The following ARID1A variants were observed in gnomAD, a reference collection of about 807,000 sequenced individuals.
ARID1A encodes AT-rich interaction domain 1A, also known as AT-rich interactive domain-containing protein 1A.
In ARID1A, 20 loss-of-function variants were observed where a neutral mutation model predicts 212.6. That is an observed-to-expected ratio of 0.09 (90% confidence interval 0.07 to 0.14). The LOEUF is 0.14. Among genes scored for constraint, ARID1A ranks in the 10% least tolerant of loss-of-function variants. ARID1A has a pLI of 1.00. For missense variants in ARID1A, 2,587 were observed against 3,059.0 expected (o/e 0.85, Z 3.64); for synonymous variants, 1,376 against 1,222.1 (o/e 1.13, Z -2.63).
intron 4 of ARID1A, among the ~76,000 whole-genome samples, chr1:26,752,400 C>G (rs565035999): frequency 6.6e-6 from 1 of 152,172 alleles, no homozygotes; most frequent in African/African-American, 2.4e-5. Flanking sequence ...CTCTTTCTTA[C>G]ATTTATAGCA....
chr1:26,710,929 G>A (rs940508925), intron 1 of ARID1A, among the ~76,000 whole-genome samples: 7 of 152,112 alleles, frequency 4.6e-5, no homozygotes, highest in Non-Finnish European at 8.8e-5. Context: ...TACCATAGAC[G>A]AGGTGGCTTA....
intron 3 of ARID1A, 99 bp downstream of exon 3, chr1:26,731,703 G>A (rs1187761086): frequency 1.7e-5 from 23 of 1,344,890 alleles, no homozygotes; most frequent in African/African-American, 1.5e-5. Context: ...GTTCTCTAAC[G>A]TGCACTTAAA....
At chr1:26,762,586 G>A (rs751218908) in intron 7 of ARID1A, among the ~76,000 whole-genome samples, 1 of 152,200 alleles carries the variant, frequency 6.6e-6, no homozygotes, top group Non-Finnish European at 1.5e-5. Flanking sequence ...ATTGAGCACA[G>A]ACAATTTATA....
In ARID1A at chr1:26,703,044, AT is replaced by A. The variant is rs1284180652; in HGVS notation, c.1137+5508del. ...AACTTGAGTGTGATCTTTATCCTCA[AT>A]TTTGCTGTTGTGCTGGGGATTATAA... On this transcript the variant is annotated intron_variant, in intron 1 of 19. Coordinates refer to ENST00000324856, the MANE Select transcript of ARID1A (RefSeq NM_006015.6). Among the ~76,000 whole-genome samples the A allele has an allele frequency of 3.9e-5, 6 of 152,274 alleles. No individual in the cohort carries two copies. In the East Asian group the frequency reaches 1.2e-3, roughly 29 times the overall value.
intron 4 of ARID1A, among the ~76,000 whole-genome samples, chr1:26,740,199 CAG>C (rs1439882255): frequency 1.3e-5 from 2 of 152,138 alleles, no homozygotes; most frequent in Non-Finnish European, 2.9e-5. Context: ...AGAAGACAAA[CAG>C]ACATTTGACA....
intron 14 of ARID1A, 110 bp from the exon 15 acceptor site, chr1:26,773,236 T>A: frequency 6.9e-7 from 1 of 1,439,038 alleles, no homozygotes; most frequent in Non-Finnish European, 9.4e-7. Flanking sequence ...TGAACTTGTC[T>A]GGAAAACAAT....
chr1:26,710,222 T>G (rs1281485858), intron 1 of ARID1A, among the ~76,000 whole-genome samples: 7 of 146,342 alleles, frequency 4.8e-5, no homozygotes, highest in Non-Finnish European at 3.0e-5. Flanking sequence ...GATCACAAGG[T>G]CAAGAGATCG....
intron 1 of ARID1A, among the ~76,000 whole-genome samples, chr1:26,709,039 G>C (rs1352903884): frequency 6.6e-6 from 1 of 152,076 alleles, no homozygotes; most frequent in Non-Finnish European, 1.5e-5. Flanking sequence ...AACACATAAA[G>C]TTGAGTGCCA....
intron 7 of ARID1A, among the ~76,000 whole-genome samples, 197 bp downstream of exon 7, chr1:26,762,516 T>G (rs2081001889): frequency 6.6e-6 from 1 of 150,700 alleles, no homozygotes; most frequent in Admixed American, 6.6e-5. Flanking sequence ...GAGAAAGTCT[T>G]TCAATTTCAC....
chr1:26,740,474 G>C (rs1489535798), intron 4 of ARID1A, among the ~76,000 whole-genome samples: 1 of 152,158 alleles, frequency 6.6e-6, no homozygotes, highest in Non-Finnish European at 1.5e-5. Context: ...TAAGTGGTTA[G>C]TTACAAAGGG....
At chr1:26,753,397 G>A (rs1044308660) in intron 4 of ARID1A, among the ~76,000 whole-genome samples, 6 of 152,302 alleles carry the variant, frequency 3.9e-5, no homozygotes, top group Non-Finnish European at 8.8e-5. Flanking sequence ...TCGTCATGGA[G>A]TCCCTATGGG....
At chr1:26,766,994 G>C (rs940760857) in intron 10 of ARID1A, among the ~76,000 whole-genome samples, 1 of 152,166 alleles carries the variant, frequency 6.6e-6, no homozygotes, top group Non-Finnish European at 1.5e-5. Flanking sequence ...TGTAAAGAAG[G>C]AGATAAGGCA....
At chr1:26,756,673 A>T (rs2080940846) in intron 4 of ARID1A, among the ~76,000 whole-genome samples, 1 of 151,368 alleles carries the variant, frequency 6.6e-6, no homozygotes, top group Non-Finnish European at 1.5e-5. Context: ...GCCATGGGGC[A>T]CTTTGGCTTC....
intron 4 of ARID1A, among the ~76,000 whole-genome samples, chr1:26,747,966 T>A (rs891820588): frequency 7.2e-5 from 11 of 152,222 alleles, no homozygotes; most frequent in Admixed American, 5.2e-4. Flanking sequence ...TCAGAGTTGT[T>A]CTTTTCAAAG....
At chr1:26,743,798 A>T (rs1346504854) in intron 4 of ARID1A, among the ~76,000 whole-genome samples, 1 of 152,054 alleles carries the variant, frequency 6.6e-6, no homozygotes, top group Non-Finnish European at 1.5e-5. Context: ...AAAAAAAAAA[A>T]AAAAATTAAA....
At chr1:26,729,958 C>T (rs2124786095) in intron 2 of ARID1A, 95 bp downstream of exon 2, 2 of 1,430,526 alleles carry the variant, frequency 1.4e-6, no homozygotes, top group East Asian at 2.4e-5. Flanking sequence ...TTCCAAGCCT[C>T]TTGACAGGAA....
intron 19 of ARID1A, among the ~76,000 whole-genome samples, chr1:26,777,419 A>C (rs1056305718): frequency 7.4e-6 from 1 of 135,888 alleles, no homozygotes; most frequent in Non-Finnish European, 1.6e-5. Context: ...TTTTTGAGAG[A>C]TGAGGCTTCA....
Position 26,710,424 on chromosome 1 carries a change from C to T in ARID1A, c.1137+12884C>T, listed in dbSNP as rs183722858. Among the ~76,000 whole-genome samples the T allele has an allele frequency of 7.0e-3, 996 of 142,710 alleles. 8 individuals carry two copies. Among genetic ancestry groups the T allele is most frequent in the Admixed American group, 0.013 (187 of 14,218 alleles). The allele number at this position is 142,710 out of a possible 152,430, so 93.6% of individuals were successfully genotyped here. On this transcript the variant is annotated intron_variant, in intron 1 of 19. Transcript: ENST00000324856. Reference sequence around the variant, plus strand: ...CTGGGAGGCAGAGGTTGCAGTGAGCCGAGATCACACCATTGCACTCCAGCC... The same window carrying T: ...CTGGGAGGCAGAGGTTGCAGTGAGCTGAGATCACACCATTGCACTCCAGCC...
intron 19 of ARID1A, among the ~76,000 whole-genome samples, chr1:26,777,874 C>A (rs1425923449): frequency 6.6e-6 from 1 of 152,102 alleles, no homozygotes; most frequent in African/African-American, 2.4e-5. Flanking sequence ...TCAAGACCAT[C>A]CTGGCCAATA....
Sources: allele counts gnomAD v4.1 joint callset (sites outside exome capture counted in the v4.1 genomes callset), GRCh38; gene constraint gnomAD v4.1.1; transcripts MANE v1.5; gene names NCBI Gene and HGNC (gene_info 2026-07-23, HGNC 2026-07-21).